ARHGAP10: variants seen among roughly 807,000 people sequenced by gnomAD.
ARHGAP10 encodes the protein rho GTPase-activating protein 10.
ARHGAP10 carries 87 observed loss-of-function variants against 108.6 expected under a neutral mutation model. That is an observed-to-expected ratio of 0.80 (90% CI 0.67 to 0.96). The LOEUF (loss-of-function observed/expected upper bound fraction) is 0.96, where lower values mean the gene tolerates loss of function less well. Ranked by LOEUF, ARHGAP10 falls within the 40% of genes least tolerant of loss-of-function variation. The pLI, the probability that ARHGAP10 is intolerant of heterozygous loss-of-function variation, is 0.00. For missense variants in ARHGAP10, 939 were observed against 954.5 expected, an observed-to-expected ratio of 0.98 and a Z score of 0.21; for synonymous variants, 347 against 341.1, an observed-to-expected ratio of 1.02 and a Z score of -0.19.
chr4:147,748,883 C>T (rs1489772697), intron 1 of ARHGAP10, among the ~76,000 whole-genome samples: 15 of 152,000 alleles, frequency 9.9e-5, no homozygotes, highest in South Asian at 2.1e-4. Flanking sequence ...TGCTTGAATC[C>T]GGGAGATTGA....
Position 148,046,922 on chromosome 4 carries a change from C to A in ARHGAP10, c.1898C>A (p.Thr633Asn), listed in dbSNP as rs751390375. 2 of 1,614,074 alleles carry A rather than the reference C, an allele frequency of 1.2e-6. No homozygotes were observed. Among genetic ancestry groups the A allele is most frequent in the Non-Finnish European group, 1.7e-6 (2 of 1,179,992 alleles). ...GDNPYPSKED[T>N]PTSSLDSLSS... Reference sequence around the variant, plus strand: ...AATCCTTACCCTTCCAAGGAGGACACCCCTACCAGCAGTCTGGACTCACTT... The same window carrying A: ...AATCCTTACCCTTCCAAGGAGGACAACCCTACCAGCAGTCTGGACTCACTT... Residue 633 changes from threonine (T) to asparagine (N), a missense_variant, in exon 20 of 23, where the codon ACC (threonine) becomes AAC (asparagine). Transcript: ENST00000336498.
At chr4:147,790,295 C>T (rs565653803) in intron 1 of ARHGAP10, among the ~76,000 whole-genome samples, 1 of 152,234 alleles carries the variant, frequency 6.6e-6, no homozygotes, top group East Asian at 1.9e-4. Flanking sequence ...GTGACCTCAT[C>T]TAAACTTAAT....
intron 10 of ARHGAP10, among the ~76,000 whole-genome samples, chr4:147,895,130 G>A (rs1029492599): frequency 2.4e-4 from 36 of 151,364 alleles, no homozygotes; most frequent in African/African-American, 8.5e-4. Flanking sequence ...TCCCAGTAAT[G>A]TTTTACAGTT....
At position 147,914,181 on chromosome 4, in the gene ARHGAP10, A is replaced by C. The variant is rs114226998; in HGVS notation, c.1228+1042A>C. The stretch of plus-strand genomic sequence containing the variant: ...AAAGAAATCCGCTTTATTGAGGTAT[A>C]ATTTGCAGTCAGTACAATTCACTGA... On this transcript the variant is annotated intron_variant, in intron 13 of 22. Transcript: ENST00000336498. Among the ~76,000 whole-genome samples the C allele has an allele frequency of 8.8e-3, 1,338 of 152,262 alleles. 8 individuals carry two copies. Among genetic ancestry groups the C allele is most frequent in the African/African-American group, 0.019 (786 of 41,542 alleles).
chr4:147,750,535 T>A, intron 1 of ARHGAP10, among the ~76,000 whole-genome samples: 1 of 152,176 alleles, frequency 6.6e-6, no homozygotes, highest in East Asian at 1.9e-4. Context: ...AACCTATTTG[T>A]TTTGTGTGCA....
intron 1 of ARHGAP10, among the ~76,000 whole-genome samples, chr4:147,822,022 A>G (rs1349222583): frequency 6.6e-6 from 1 of 152,242 alleles, no homozygotes; most frequent in Admixed American, 6.5e-5. Context: ...GAATTTTTGA[A>G]TGAAATGAAA....
intron 18 of ARHGAP10, among the ~76,000 whole-genome samples, chr4:148,009,171 G>C (rs1046440183): frequency 6.7e-6 from 1 of 148,464 alleles, no homozygotes; most frequent in Non-Finnish European, 1.5e-5. Flanking sequence ...TTGCTTTGTC[G>C]CTCAGCTGGA....
chr4:147,854,160 T>C (rs1256038990), intron 4 of ARHGAP10, among the ~76,000 whole-genome samples: 1 of 152,252 alleles, frequency 6.6e-6, no homozygotes, highest in Non-Finnish European at 1.5e-5. Flanking sequence ...CATGTGCAAT[T>C]TTATAACAGA....
rs547938296 is a variant in ARHGAP10, at chr4:148,044,830, A to G, written c.1868-2062A>G. On this transcript the variant is annotated intron_variant, in intron 19 of 22. Transcript: ENST00000336498. ...CAGAAAGAAAATACATTAAAAGGAA[A>G]TCATAGCAGTGGTCTACCAGTGGGT... Among the ~76,000 whole-genome samples, 231 of 152,278 alleles carry G rather than the reference A, an allele frequency of 1.5e-3. 1 individual carries two copies. The highest frequency in any genetic ancestry group is 2.9e-3 in the Non-Finnish European group (198 of 68,020).
At chr4:147,910,306 A>G (rs568074577) in intron 12 of ARHGAP10, among the ~76,000 whole-genome samples, 53 of 152,066 alleles carry the variant, frequency 3.5e-4, no homozygotes, top group African/African-American at 1.2e-3. Flanking sequence ...TACAGGCGTG[A>G]GTCACCTTGC....
At chr4:147,969,984 C>CAGGGTTGG (rs1391345072) in intron 18 of ARHGAP10, among the ~76,000 whole-genome samples, 2 of 152,074 alleles carry the variant, frequency 1.3e-5, no homozygotes, top group South Asian at 4.2e-4. Context: ...GGTTGTGTGG[C>CAGGGTTGG]AGGGTTGGAG....
intron 18 of ARHGAP10, 45 bp from the exon 19 acceptor site, chr4:148,023,218 T>A: frequency 6.2e-7 from 1 of 1,603,966 alleles, no homozygotes; most frequent in Non-Finnish European, 8.5e-7. Flanking sequence ...CACACAGGTT[T>A]CTGTTCATGG....
intron 20 of ARHGAP10, among the ~76,000 whole-genome samples, chr4:148,054,445 C>A (rs1354797991): frequency 8.5e-5 from 13 of 152,232 alleles, no homozygotes; most frequent in Admixed American, 8.5e-4. Flanking sequence ...GAGCTCGAGG[C>A]AGCCACCTGC....
intron 4 of ARHGAP10, among the ~76,000 whole-genome samples, chr4:147,856,874 A>G (rs1334466572): frequency 1.3e-5 from 2 of 152,154 alleles, no homozygotes; most frequent in Non-Finnish European, 2.9e-5. Flanking sequence ...ATTGATTGAG[A>G]CAGAGTCTCA....
At chr4:147,784,536 A>G (rs1311606719) in intron 1 of ARHGAP10, among the ~76,000 whole-genome samples, 3 of 4,954 alleles carry the variant, frequency 6.1e-4, no homozygotes, top group Non-Finnish European at 2.6e-3. Context: ...TATAAAACAT[A>G]TATTTTATAG....
rs555466433 is a variant in ARHGAP10, at chr4:147,893,335, G to A, written c.1034+11403G>A. Among the ~76,000 whole-genome samples the A allele has an allele frequency of 2.6e-5, 4 of 151,920 alleles. No homozygotes were observed. In the South Asian group the frequency reaches 8.3e-4, roughly 32 times the overall value. On this transcript the variant is annotated intron_variant, in intron 10 of 22. Transcript: ENST00000336498. ...AGCCTCCCAAAGTGCTGGGATTACA[G>A]ACGTGAGCCACTGCTCCCGGCAGGA...
At chr4:147,970,251 G>A (rs953820709) in intron 18 of ARHGAP10, among the ~76,000 whole-genome samples, 7 of 152,214 alleles carry the variant, frequency 4.6e-5, no homozygotes. Context: ...GGTTTCCCTG[G>A]CAGCTGACCT....
chr4:147,968,756 T>G (rs958869331), intron 18 of ARHGAP10, among the ~76,000 whole-genome samples: 3 of 152,224 alleles, frequency 2.0e-5, no homozygotes, highest in Non-Finnish European at 4.4e-5. Flanking sequence ...GCTTGAAAAC[T>G]GTTAGAATGC....
chr4:147,914,497 A>G (rs930682149), intron 13 of ARHGAP10, among the ~76,000 whole-genome samples: 7 of 150,724 alleles, frequency 4.6e-5, no homozygotes, highest in Admixed American at 4.6e-4. Context: ...TACTGGAATT[A>G]TAGACATGAG....
Sources: allele counts gnomAD v4.1 joint callset (sites outside exome capture counted in the v4.1 genomes callset), GRCh38; gene constraint gnomAD v4.1.1; transcripts MANE v1.5; gene names NCBI Gene and HGNC (gene_info 2026-07-23, HGNC 2026-07-21).